ST6GAL2: variants seen among roughly 807,000 people sequenced by gnomAD.
ST6GAL2 encodes the protein beta-galactoside alpha-2,6-sialyltransferase 2.
A neutral mutation model predicts 37.5 loss-of-function variants in ST6GAL2; 24 were observed. That is an observed-to-expected ratio of 0.64 (90% CI 0.46 to 0.90). ST6GAL2 has a LOEUF of 0.90. Among genes scored for constraint, ST6GAL2 ranks in the 40% least tolerant of loss-of-function variants. The pLI is 0.00. For missense variants in ST6GAL2, 715 were observed against 712.7 expected (o/e 1.00, Z -0.04); for synonymous variants, 306 against 295.1 (o/e 1.04, Z -0.38).
chr2:106,809,412 A>G (rs1675530772), intron 5 of ST6GAL2, among the ~76,000 whole-genome samples: 1 of 152,212 alleles, frequency 6.6e-6, no homozygotes. Flanking sequence ...GGGCATTTCT[A>G]TGAGCTAATA....
chr2:106,886,531 C>G (rs1679003939), upstream of ST6GAL2: 1 of 151,822 alleles, frequency 6.6e-6, no homozygotes, highest in African/African-American at 2.4e-5. Flanking sequence ...ACGCTCAGCC[C>G]CGCGCTGCAC....
intron 1 of ST6GAL2, among the ~76,000 whole-genome samples, chr2:106,867,065 G>A (rs1261934085): frequency 6.6e-6 from 1 of 152,132 alleles, no homozygotes; most frequent in Admixed American, 6.5e-5. Flanking sequence ...GGAAGAGAAG[G>A]GAAAGGAGGG....
chr2:106,843,829 CTCCTGG>C lies in ST6GAL2; in HGVS notation c.143_148del (p.Thr48_Arg49del). 6.2e-7 allele frequency: 1 copy of C among 1,612,258 alleles called. No individual in the cohort carries two copies. The highest frequency in any genetic ancestry group is 8.5e-7 in the Non-Finnish European group (1 of 1,179,450). On this transcript the variant is annotated inframe_deletion, in exon 2 of 6. Coordinates refer to ENST00000409382, the MANE Select transcript of ST6GAL2 (RefSeq NM_001142351.2). ...CTGCTTCCCCTGCACCGGCAGGAGC[CTCCTGG>C]TCTCCAGGAAGGAGAGGGAGCTGGG...
At chr2:106,874,897 A>G (rs929329949) in intron 1 of ST6GAL2, among the ~76,000 whole-genome samples, 9 of 152,216 alleles carry the variant, frequency 5.9e-5, no homozygotes, top group Non-Finnish European at 1.3e-4. Flanking sequence ...CCTCTTCAGG[A>G]AACAGACACC....
chr2:106,837,580 C>T (rs1676699160), intron 2 of ST6GAL2, among the ~76,000 whole-genome samples: 5 of 152,122 alleles, frequency 3.3e-5, no homozygotes, highest in Admixed American at 2.6e-4. Flanking sequence ...ACTCCACCAG[C>T]GAGGTGACTG....
intron 5 of ST6GAL2, among the ~76,000 whole-genome samples, chr2:106,820,925 A>G (rs1488939608): frequency 2.6e-5 from 4 of 152,056 alleles, no homozygotes; most frequent in African/African-American, 9.6e-5. Flanking sequence ...AATTTAGAAA[A>G]AAAATTTAAA....
chr2:106,848,873 C>T (rs1055136874), intron 1 of ST6GAL2, among the ~76,000 whole-genome samples: 1 of 152,280 alleles, frequency 6.6e-6, no homozygotes, highest in Non-Finnish European at 1.5e-5. Flanking sequence ...ATTAGAAAGA[C>T]CAAGCAGCGC....
At chr2:106,811,105 A>C (rs929946466) in intron 5 of ST6GAL2, among the ~76,000 whole-genome samples, 1 of 151,946 alleles carries the variant, frequency 6.6e-6, no homozygotes, top group African/African-American at 2.4e-5. Context: ...TAGCATATGC[A>C]TACTTAGTCT....
At chr2:106,824,736 ATACAT>A (rs1469939385) in intron 5 of ST6GAL2, 1 of 152,246 alleles carries the variant, frequency 6.6e-6, no homozygotes, top group Non-Finnish European at 1.5e-5. Context: ...ATTTTTAGTA[ATACAT>A]TACATTGTTT....
chr2:106,883,204 GA>G (rs1323103241), intron 1 of ST6GAL2, among the ~76,000 whole-genome samples: 1 of 152,174 alleles, frequency 6.6e-6, no homozygotes, highest in Non-Finnish European at 1.5e-5. Flanking sequence ...AATTCAATGG[GA>G]GGGGTGGGAG....
intron 5 of ST6GAL2, 151 bp downstream of exon 5, chr2:106,829,914 GA>G (rs5833213): frequency 0.84 from 561,622 of 667,054 alleles, 234,610 homozygotes; most frequent in East Asian, 0.94. Context: ...TCTGAAATCT[GA>G]AAAAAAAAAA....
intron 1 of ST6GAL2, among the ~76,000 whole-genome samples, chr2:106,846,167 T>C (rs1220965495): frequency 1.2e-4 from 18 of 152,186 alleles, no homozygotes; most frequent in Non-Finnish European, 2.1e-4. Context: ...TGCAACCCCA[T>C]GGAAGACCGG....
upstream of ST6GAL2, chr2:106,886,639 G>A (rs1416626190): frequency 6.6e-6 from 1 of 151,694 alleles, no homozygotes; most frequent in African/African-American, 2.4e-5. Flanking sequence ...CCCACGCACC[G>A]AGGCTGCGCC....
intron 1 of ST6GAL2, among the ~76,000 whole-genome samples, chr2:106,879,597 C>T (rs190688022): frequency 3.3e-5 from 5 of 150,692 alleles, no homozygotes; most frequent in Admixed American, 3.3e-4. Flanking sequence ...GCCCTTTAAA[C>T]AACAGAAATT....
chr2:106,884,793 T>C (rs1028001515), intron 1 of ST6GAL2, among the ~76,000 whole-genome samples: 3 of 151,254 alleles, frequency 2.0e-5, no homozygotes, highest in Non-Finnish European at 4.4e-5. Flanking sequence ...TATATAAAAA[T>C]TTTGGTTGTC....
chr2:106,848,717 T>C (rs1443603615), intron 1 of ST6GAL2, among the ~76,000 whole-genome samples: 1 of 152,208 alleles, frequency 6.6e-6, no homozygotes, highest in Non-Finnish European at 1.5e-5. Flanking sequence ...ATTCAAATTA[T>C]CAGATGTAAA....
chr2:106,839,701 T>C (rs1315779159), intron 2 of ST6GAL2, among the ~76,000 whole-genome samples: 1 of 152,186 alleles, frequency 6.6e-6, no homozygotes, highest in Non-Finnish European at 1.5e-5. Flanking sequence ...GAGTTTCAGG[T>C]ACACAGATCT....
intron 5 of ST6GAL2, among the ~76,000 whole-genome samples, chr2:106,829,685 G>T (rs1333177970): frequency 6.7e-6 from 1 of 149,248 alleles, no homozygotes; most frequent in Non-Finnish European, 1.5e-5. Context: ...TTACACGAGT[G>T]TTTTTTTTTT....
Position 106,804,207 on chromosome 2 carries a change from T to C in ST6GAL2, c.*2471A>G, listed in dbSNP as rs1675343868. ...TGAAAGTACTATTTTAAAAGTACAA[T>C]GACTACGACAAAATTCCATTTAAAA... On this transcript the variant is annotated 3_prime_UTR_variant, in exon 6 of 6. Transcript: ENST00000409382. 6.6e-6 allele frequency: 1 copy of C among 152,102 alleles called. No homozygotes were observed. Among genetic ancestry groups the C allele is most frequent in the African/African-American group, 2.4e-5 (1 of 41,462 alleles). The allele number at this position is 152,102 out of a possible 1,614,324, so 9.4% of individuals were successfully genotyped here.
Sources: gnomAD v4.1 joint callset for allele counts (sites outside exome capture counted in the v4.1 genomes callset) on GRCh38, gnomAD v4.1.1 for gene constraint, MANE v1.5 for transcripts, NCBI Gene and HGNC (gene_info 2026-07-23, HGNC 2026-07-21) for gene names.